Variants in PPM1L observed in about 807,000 individuals in gnomAD.
PPM1L encodes the protein protein phosphatase, Mg2+/Mn2+ dependent 1L, also known as protein phosphatase 1L.
A neutral mutation model predicts 31.4 loss-of-function variants in PPM1L; 13 were observed. The observed-to-expected ratio is 0.41, with a 90% CI of 0.27 to 0.66. The LOEUF is 0.66. Among genes scored for constraint, PPM1L ranks in the 30% least tolerant of loss-of-function variants. The pLI, the probability that PPM1L is intolerant of heterozygous loss-of-function variation, is 0.29. For missense variants in PPM1L, 326 were observed against 453.7 expected, an observed-to-expected ratio of 0.72 and a Z score of 2.56; for synonymous variants, 184 against 175.4, an observed-to-expected ratio of 1.05 and a Z score of -0.39.
intron 2 of PPM1L, among the ~76,000 whole-genome samples, chr3:161,026,479 T>G (rs1718394756): frequency 6.6e-6 from 1 of 152,116 alleles, no homozygotes; most frequent in Non-Finnish European, 1.5e-5. Context: ...GAGGATCACC[T>G]GAGGTCAAGA....
intron 2 of PPM1L, among the ~76,000 whole-genome samples, chr3:161,059,634 C>T (rs1251855873): frequency 1.3e-5 from 2 of 152,130 alleles, no homozygotes. Flanking sequence ...AAATCCAAAA[C>T]TTCTGATACG....
intron 1 of PPM1L, among the ~76,000 whole-genome samples, chr3:160,861,952 A>G (rs867290055): frequency 5.9e-5 from 9 of 152,244 alleles, no homozygotes; most frequent in Middle Eastern, 3.4e-3. Context: ...CTCTGTGCCC[A>G]CCTAATACAT....
chr3:160,870,239 A>G (rs947623691), intron 1 of PPM1L, among the ~76,000 whole-genome samples: 7 of 152,192 alleles, frequency 4.6e-5, no homozygotes, highest in South Asian at 2.1e-4. Flanking sequence ...CTTCACCACT[A>G]TGACAAAGTT....
At chr3:160,945,125 C>A (rs62280307) in intron 1 of PPM1L, among the ~76,000 whole-genome samples, 282 of 21,500 alleles carry the variant, frequency 0.013, 1 homozygote, top group African/African-American at 0.022. Flanking sequence ...ATCTATCTAT[C>A]TATCTATCTA....
chr3:160,846,931 G>A (rs967004150), intron 1 of PPM1L, among the ~76,000 whole-genome samples: 6 of 152,120 alleles, frequency 3.9e-5, no homozygotes, highest in Admixed American at 2.6e-4. Flanking sequence ...TTTACAGTAA[G>A]AGACTCATTA....
At chr3:160,970,915 C>T (rs1576752040) in intron 2 of PPM1L, among the ~76,000 whole-genome samples, 1 of 151,480 alleles carries the variant, frequency 6.6e-6, no homozygotes, top group Admixed American at 6.6e-5. Context: ...CTCAGCCTCC[C>T]GAGTAGCTGG....
intron 1 of PPM1L, among the ~76,000 whole-genome samples, chr3:160,862,393 T>C (rs772503774): frequency 1.3e-5 from 2 of 152,104 alleles, no homozygotes; most frequent in Non-Finnish European, 2.9e-5. Context: ...GGCACTGAAA[T>C]GCTAGCAAAA....
rs950368290 is a variant in PPM1L at position 160,772,108 on chromosome 3, G to A, written c.399+15401G>A. 2.6e-5 allele frequency among the ~76,000 whole-genome samples: 4 copies of A among 152,162 alleles called. 1 individual carries two copies. Among genetic ancestry groups the A allele is most frequent in the African/African-American group, 4.8e-5 (2 of 41,434 alleles). ...GAAAGGAAGCTCATATTTTTAACATGTAGGGGGACCTGAGTGTCTGCTGCT... is the reference window on the plus strand; with the variant it reads ...GAAAGGAAGCTCATATTTTTAACATATAGGGGGACCTGAGTGTCTGCTGCT... On this transcript the variant is annotated intron_variant, in intron 1 of 3. Coordinates refer to ENST00000498165, the MANE Select transcript of PPM1L (RefSeq NM_139245.4).
intron 2 of PPM1L, among the ~76,000 whole-genome samples, chr3:161,010,807 C>A (rs548695481): frequency 6.6e-6 from 1 of 152,320 alleles, no homozygotes; most frequent in East Asian, 1.9e-4. Context: ...TGTCTGTTGG[C>A]TGCATAAATG....
At chr3:160,892,861 T>C (rs1031584701) in intron 1 of PPM1L, among the ~76,000 whole-genome samples, 27 of 152,314 alleles carry the variant, frequency 1.8e-4, no homozygotes, top group African/African-American at 6.5e-4. Context: ...TTACAATTAA[T>C]CATTAGATTC....
At chr3:160,824,077 G>T (rs1713283867) in intron 1 of PPM1L, among the ~76,000 whole-genome samples, 1 of 152,150 alleles carries the variant, frequency 6.6e-6, no homozygotes, top group South Asian at 2.1e-4. Context: ...AAATTCACAT[G>T]TTGAACTCCA....
Position 161,069,025 on chromosome 3 carries a change from C to T in PPM1L, c.951C>T (p.Ile317=), listed in dbSNP as rs1719829468. ...AFSNEEAVRF[I]KERLDEPHFG... ...GCAATGAAGAAGCAGTTCGATTCAT[C>T]AAGGAGCGCTTGGATGAACCTCACT... Residue 317 remains isoleucine (I), a synonymous_variant, in exon 4 of 4, where the codon ATC becomes ATT. Coordinates refer to ENST00000498165, the MANE Select transcript of PPM1L (RefSeq NM_139245.4). 1 of 1,614,194 alleles carries T rather than the reference C, an allele frequency of 6.2e-7. No homozygotes were observed. Among genetic ancestry groups the T allele is most frequent in the Non-Finnish European group, 8.5e-7 (1 of 1,180,034 alleles).
intron 1 of PPM1L, among the ~76,000 whole-genome samples, chr3:160,858,840 G>A (rs6775181): frequency 0.026 from 4,019 of 152,110 alleles, 196 homozygotes; most frequent in African/African-American, 0.093. Flanking sequence ...ATGTTATTAT[G>A]GTAGACACTT....
chr3:160,872,406 A>G (rs1712344587), intron 1 of PPM1L, among the ~76,000 whole-genome samples: 2 of 152,164 alleles, frequency 1.3e-5, no homozygotes, highest in Non-Finnish European at 2.9e-5. Flanking sequence ...GATGCTCTCA[A>G]GCACCTCCCA....
At chr3:160,817,093 C>G (rs893456549) in intron 1 of PPM1L, among the ~76,000 whole-genome samples, 3 of 151,960 alleles carry the variant, frequency 2.0e-5, no homozygotes. Context: ...AGAAAGAGAA[C>G]AAAAAGGAAG....
intron 1 of PPM1L, among the ~76,000 whole-genome samples, chr3:160,933,512 TC>T (rs1203364058): frequency 6.6e-6 from 1 of 152,206 alleles, no homozygotes; most frequent in Non-Finnish European, 1.5e-5. Context: ...TTATCATTTT[TC>T]ATTATCCCTG....
At chr3:160,774,158 C>T (rs1711507310) in intron 1 of PPM1L, among the ~76,000 whole-genome samples, 1 of 152,162 alleles carries the variant, frequency 6.6e-6, no homozygotes, top group Non-Finnish European at 1.5e-5. Flanking sequence ...AATTTCCTCT[C>T]CAGAGTTGTC....
intron 2 of PPM1L, among the ~76,000 whole-genome samples, chr3:161,050,056 C>T (rs1719222214): frequency 6.6e-6 from 1 of 152,176 alleles, no homozygotes; most frequent in Non-Finnish European, 1.5e-5. Context: ...GTGGTGTCAC[C>T]TGAGTGTGGT....
chr3:161,003,650 T>G (rs2108054651), intron 2 of PPM1L, among the ~76,000 whole-genome samples: 1 of 152,304 alleles, frequency 6.6e-6, no homozygotes, highest in East Asian at 1.9e-4. Flanking sequence ...TGTCTGTTGT[T>G]GGTGTATAAG....
Sources: allele counts gnomAD v4.1 joint callset (sites outside exome capture counted in the v4.1 genomes callset), GRCh38; gene constraint gnomAD v4.1.1; transcripts MANE v1.5; gene names NCBI Gene and HGNC (gene_info 2026-07-23, HGNC 2026-07-21).